Variants in ELMO1 observed in about 807,000 individuals in gnomAD.
The protein encoded by ELMO1 is engulfment and cell motility protein 1.
In ELMO1, 26 loss-of-function variants were observed where a neutral mutation model predicts 98.9. The ratio of observed to expected loss-of-function variants is 0.26; its 90% CI spans 0.19 to 0.36. The LOEUF (loss-of-function observed/expected upper bound fraction) is 0.36, where lower values mean the gene tolerates loss of function less well. Ranked by LOEUF, ELMO1 falls within the 10% of genes least tolerant of loss-of-function variation. The pLI is 1.00. For missense variants in ELMO1, 627 were observed against 935.2 expected (o/e 0.67, Z 4.30); for synonymous variants, 346 against 346.0 (o/e 1.00, Z 0.00).
At chr7:37,030,719 A>G (rs6957660) in intron 15 of ELMO1, among the ~76,000 whole-genome samples, 15,528 of 151,898 alleles carry the variant, frequency 0.1, 876 homozygotes, top group Middle Eastern at 0.21. Flanking sequence ...TCCTTCATAG[A>G]TTTGTTTTTT....
chr7:37,069,861 G>A (rs1398074595), intron 15 of ELMO1, among the ~76,000 whole-genome samples: 1 of 152,090 alleles, frequency 6.6e-6, no homozygotes, highest in Admixed American at 6.5e-5. Context: ...TTTTTCTTAT[G>A]TGAAGTTACT....
chr7:37,256,814 G>C (rs1239768469), intron 6 of ELMO1, among the ~76,000 whole-genome samples: 1 of 148,874 alleles, frequency 6.7e-6, no homozygotes, highest in South Asian at 2.2e-4. Flanking sequence ...GGAGAGGAAG[G>C]GGACAGAAGG....
chr7:37,165,411 T>C (rs909104883), intron 13 of ELMO1, among the ~76,000 whole-genome samples: 18 of 152,044 alleles, frequency 1.2e-4, no homozygotes, highest in African/African-American at 4.3e-4. Flanking sequence ...CCCTGTCTTG[T>C]GCCAGTTTTC....
chr7:36,994,361 C>G (rs998063422), intron 16 of ELMO1, among the ~76,000 whole-genome samples: 1 of 152,180 alleles, frequency 6.6e-6, no homozygotes, highest in African/African-American at 2.4e-5. Flanking sequence ...ACACTTAGCT[C>G]TTTTCACAGC....
intron 15 of ELMO1, among the ~76,000 whole-genome samples, chr7:37,056,491 C>T (rs1796397089): frequency 6.6e-6 from 1 of 152,176 alleles, no homozygotes; most frequent in Admixed American, 6.5e-5. Context: ...GACAGGATAT[C>T]CCTACCACAA....
At chr7:37,107,699 G>A (rs1471444871) in intron 14 of ELMO1, among the ~76,000 whole-genome samples, 1 of 152,220 alleles carries the variant, frequency 6.6e-6, no homozygotes, top group African/African-American at 2.4e-5. Flanking sequence ...ACTTCTTACT[G>A]AGAAATTGTC....
intron 16 of ELMO1, among the ~76,000 whole-genome samples, chr7:36,927,063 A>C (rs1348368990): frequency 6.6e-6 from 1 of 152,236 alleles, no homozygotes; most frequent in Non-Finnish European, 1.5e-5. Flanking sequence ...CTTCTAGAGA[A>C]ATTGCCATGC....
chr7:37,067,050 T>C (rs145898023), intron 15 of ELMO1, among the ~76,000 whole-genome samples: 1 of 152,312 alleles, frequency 6.6e-6, no homozygotes, highest in African/African-American at 2.4e-5. Flanking sequence ...GAAATATTTT[T>C]TACAGACTGA....
chr7:37,381,977 T>C (rs976447458), intron 1 of ELMO1, among the ~76,000 whole-genome samples: 19 of 152,186 alleles, frequency 1.2e-4, no homozygotes, highest in African/African-American at 4.3e-4. Context: ...TATATAGTAG[T>C]TTTCTTTAAG....
At chr7:37,165,477 C>A (rs1217670038) in intron 13 of ELMO1, among the ~76,000 whole-genome samples, 6 of 152,126 alleles carry the variant, frequency 3.9e-5, no homozygotes, top group Admixed American at 3.9e-4. Context: ...GTGGGTTTGT[C>A]ATAAATAGCT....
intron 16 of ELMO1, among the ~76,000 whole-genome samples, chr7:36,959,801 C>T (rs1351918633): frequency 1.3e-5 from 2 of 152,232 alleles, no homozygotes; most frequent in African/African-American, 4.8e-5. Flanking sequence ...CTGCCTCAGC[C>T]TCCCGAGTAG....
In ELMO1 at chr7:36,874,564, G is replaced by A. The variant is rs556498590; in HGVS notation, c.1822+3446C>T. 1.4e-3 allele frequency among the ~76,000 whole-genome samples: 208 copies of A among 152,226 alleles called. 1 individual carries two copies. Among genetic ancestry groups the A allele is most frequent in the African/African-American group, 4.9e-3 (202 of 41,532 alleles). ...GTAGATGGAGAGACCTGAATTATTC[G>A]CTGTGCTTTGGTGACCCAAATTGCC... On this transcript the variant is annotated intron_variant, in intron 19 of 21. Transcript: ENST00000310758.
chr7:37,299,242 C>A (rs573845617), intron 4 of ELMO1, among the ~76,000 whole-genome samples: 2 of 26,550 alleles, frequency 7.5e-5, no homozygotes, highest in South Asian at 1.6e-3. Context: ...AATTTTCTCC[C>A]ATTTTTGTAG....
chr7:36,975,595 C>T (rs1177774471), intron 16 of ELMO1, among the ~76,000 whole-genome samples: 1 of 151,840 alleles, frequency 6.6e-6, no homozygotes, highest in Non-Finnish European at 1.5e-5. Context: ...GTCTATAATC[C>T]CAGCACTTTG....
intron 13 of ELMO1, among the ~76,000 whole-genome samples, chr7:37,141,228 A>G (rs1787617472): frequency 6.6e-6 from 1 of 152,248 alleles, no homozygotes; most frequent in Non-Finnish European, 1.5e-5. Flanking sequence ...AAATAGTGGC[A>G]TTCACAGCAA....
chr7:36,975,617 C>T (rs749464400), intron 16 of ELMO1, among the ~76,000 whole-genome samples: 19 of 151,988 alleles, frequency 1.3e-4, no homozygotes, highest in Non-Finnish European at 2.4e-4. Flanking sequence ...GAGGCCGAGG[C>T]GGGTGGATCA....
intron 13 of ELMO1, chr7:37,197,239 G>A (rs1444497370): frequency 6.6e-6 from 1 of 152,232 alleles, no homozygotes; most frequent in East Asian, 1.9e-4. Flanking sequence ...AGTGCAGGAA[G>A]TATGCAGAGA....
chr7:37,061,183 T>C (rs537704520), intron 15 of ELMO1, among the ~76,000 whole-genome samples: 162 of 152,246 alleles, frequency 1.1e-3, no homozygotes, highest in Non-Finnish European at 1.9e-3. Flanking sequence ...TCTAGCAGAA[T>C]AGAAAAGGTA....
At chr7:37,004,063 A>G (rs1024866501) in intron 16 of ELMO1, among the ~76,000 whole-genome samples, 3 of 141,524 alleles carry the variant, frequency 2.1e-5, no homozygotes, top group Non-Finnish European at 4.5e-5. Context: ...TTACAAGATA[A>G]ATATTTTTTT....
Sources: allele counts gnomAD v4.1 joint callset (sites outside exome capture counted in the v4.1 genomes callset), GRCh38; gene constraint gnomAD v4.1.1; transcripts MANE v1.5; gene names NCBI Gene and HGNC (gene_info 2026-07-23, HGNC 2026-07-21).